TBC1D5: variants seen among roughly 807,000 people sequenced by gnomAD.
The protein encoded by TBC1D5 is TBC1 domain family member 5.
Under a neutral mutation model 100.3 loss-of-function variants are expected in TBC1D5, and 75 were observed. The observed-to-expected ratio is 0.75, with a 90% CI of 0.62 to 0.91. The LOEUF (loss-of-function observed/expected upper bound fraction) is 0.91, where lower values mean the gene tolerates loss of function less well. TBC1D5 is among the 40% of genes least tolerant of loss of function. The probability of loss-of-function intolerance (pLI) is 0.00; values close to 1 mark genes in which losing one functional copy is unlikely to be tolerated. For synonymous variants in TBC1D5, 323 were observed against 325.6 expected (o/e 0.99, Z 0.09); for missense variants, 910 against 942.4 (o/e 0.97, Z 0.45).
At chr3:17,428,492 G>A in exon 4 of TBC1D5, 1 of 1,509,430 alleles carries the variant, frequency 6.6e-7, no homozygotes, top group South Asian at 1.3e-5. Context: ...AGTAGAACTT[G>A]TTCTTCTTCC....
chr3:17,292,731 G>C (rs540374349), intron 14 of TBC1D5, among the ~76,000 whole-genome samples: 4 of 152,162 alleles, frequency 2.6e-5, no homozygotes, highest in Admixed American at 1.3e-4. Context: ...TGCCACTGCT[G>C]TCAGAGTCAG....
chr3:17,370,998 T>C (rs181784842), intron 13 of TBC1D5, among the ~76,000 whole-genome samples: 3 of 152,182 alleles, frequency 2.0e-5, no homozygotes, highest in African/African-American at 7.2e-5. Context: ...TAGCAGTGCA[T>C]AGATAATTCA....
intron 3 of TBC1D5, among the ~76,000 whole-genome samples, chr3:17,477,019 GAGA>G (rs957996029): frequency 6.6e-6 from 1 of 151,758 alleles, no homozygotes; most frequent in African/African-American, 2.4e-5. Flanking sequence ...ATTTTACATT[GAGA>G]AGGATTTTAG....
chr3:17,531,843 A>G (rs2096230889), intron 2 of TBC1D5, among the ~76,000 whole-genome samples: 1 of 152,250 alleles, frequency 6.6e-6, no homozygotes, highest in Non-Finnish European at 1.5e-5. Context: ...TTCAAGATGG[A>G]TTAAAGATTT....
chr3:17,302,623 A>G (rs41384544), intron 14 of TBC1D5, among the ~76,000 whole-genome samples: 2,811 of 152,270 alleles, frequency 0.018, 86 homozygotes, highest in African/African-American at 0.064. Context: ...TTTGACCCAG[A>G]GAAAGGCATA....
intron 4 of TBC1D5, among the ~76,000 whole-genome samples, chr3:17,417,405 T>C (rs1030218405): frequency 2.7e-5 from 4 of 146,884 alleles, no homozygotes; most frequent in African/African-American, 5.1e-5. Flanking sequence ...TGTGTTCTCA[T>C]TGTTCAATTC....
intron 2 of TBC1D5, among the ~76,000 whole-genome samples, chr3:17,615,344 T>TA (rs1433760340): frequency 6.6e-6 from 1 of 152,210 alleles, no homozygotes; most frequent in Non-Finnish European, 1.5e-5. Flanking sequence ...TCTAAAATTC[T>TA]ATTTTTTTTG....
intron 1 of TBC1D5, among the ~76,000 whole-genome samples, chr3:17,722,558 C>G (rs571516881): frequency 5.3e-5 from 8 of 152,290 alleles, no homozygotes; most frequent in African/African-American, 1.7e-4. Flanking sequence ...TTCAATTTTT[C>G]AAAAGCTCAA....
At chr3:17,403,536 T>C (rs1208097852) in intron 7 of TBC1D5, among the ~76,000 whole-genome samples, 1 of 151,776 alleles carries the variant, frequency 6.6e-6, no homozygotes, top group Non-Finnish European at 1.5e-5. Flanking sequence ...TCAAAAATAT[T>C]GGGAAAAAAT....
In TBC1D5 at chr3:17,170,999, C is replaced by T. The variant is rs184253118; in HGVS notation, c.1853-3171G>A. Reference sequence around the variant, plus strand: ...GAGTTTAGGGACATAGACTTATCATCCCAATACAGTGTCTATACAAGATCT... The same window carrying T: ...GAGTTTAGGGACATAGACTTATCATTCCAATACAGTGTCTATACAAGATCT... On this transcript the variant is annotated intron_variant, in intron 19 of 21. Coordinates refer to ENST00000253692, the Ensembl canonical transcript of TBC1D5. Among the ~76,000 whole-genome samples, 81 of 152,306 alleles carry T rather than the reference C, an allele frequency of 5.3e-4. 1 individual carries two copies. The East Asian group carries it at 0.014, about 27-fold the overall frequency.
intron 19 of TBC1D5, among the ~76,000 whole-genome samples, chr3:17,184,020 A>G (rs1362233200): frequency 3.3e-5 from 5 of 152,218 alleles, no homozygotes; most frequent in Admixed American, 2.6e-4. Flanking sequence ...TAAGTTACCA[A>G]TCTTAGACAC....
chr3:17,563,908 GA>G (rs2153481475), intron 2 of TBC1D5, among the ~76,000 whole-genome samples: 1 of 152,120 alleles, frequency 6.6e-6, no homozygotes, highest in South Asian at 2.1e-4. Flanking sequence ...TCAGCCTCCC[GA>G]GTAGCTGGGA....
chr3:17,493,938 A>G lies in TBC1D5; in HGVS notation c.97+14536T>C, dbSNP rs141632420. ...GAAGCCTATTTCTGTCAGTTCATCC[A>G]TCTCAGCCTCAGCCCAGTTCTGTGT... is the stretch of plus-strand genomic sequence containing the variant. On this transcript the variant is annotated intron_variant, in intron 3 of 21. Transcript: ENST00000253692. Among the ~76,000 whole-genome samples the G allele has an allele frequency of 1.0e-3, 157 of 152,240 alleles. 1 individual carries two copies. The highest frequency in any genetic ancestry group is 1.9e-3 in the Non-Finnish European group (128 of 68,016).
intron 14 of TBC1D5, among the ~76,000 whole-genome samples, chr3:17,301,175 AT>A (rs1241535282): frequency 3.3e-5 from 5 of 152,136 alleles, no homozygotes; most frequent in African/African-American, 4.8e-5. Context: ...AATAGAGACA[AT>A]TTTTTATAGT....
At chr3:17,572,444 C>G (rs2096633263) in intron 2 of TBC1D5, among the ~76,000 whole-genome samples, 1 of 151,988 alleles carries the variant, frequency 6.6e-6, no homozygotes, top group African/African-American at 2.4e-5. Context: ...ACCTCTCTCT[C>G]TCTCCCTTCT....
intron 18 of TBC1D5, among the ~76,000 whole-genome samples, chr3:17,199,691 T>C (rs1419682328): frequency 6.6e-6 from 1 of 152,144 alleles, no homozygotes; most frequent in Non-Finnish European, 1.5e-5. Flanking sequence ...AGGACTCAGG[T>C]AAAATGTTGC....
chr3:17,490,444 T>C (rs2095624629), intron 3 of TBC1D5, among the ~76,000 whole-genome samples: 1 of 152,212 alleles, frequency 6.6e-6, no homozygotes, highest in Non-Finnish European at 1.5e-5. Context: ...AGCTAGATTT[T>C]CTTCCAGAGT....
chr3:17,180,323 A>G (rs774905125), intron 19 of TBC1D5, among the ~76,000 whole-genome samples: 3 of 152,168 alleles, frequency 2.0e-5, no homozygotes, highest in Non-Finnish European at 4.4e-5. Flanking sequence ...TAACCTGTCA[A>G]TTTTATTATC....
rs1371093003 is a variant in TBC1D5, at chr3:17,258,720, GTGAT to G, written c.1246-133_1246-130del. 3 of 578,926 alleles carry G rather than the reference GTGAT, an allele frequency of 5.2e-6. No individual in the cohort carries two copies. In the African/African-American group the frequency reaches 5.8e-5, roughly 11 times the overall value. 35.9% of individuals were successfully genotyped at this position (578,926 alleles called of 1,614,324 possible). A position where few individuals can be genotyped will look rare whatever the true frequency, so the allele number is the denominator to read the frequency against. On this transcript the variant is annotated intron_variant, in intron 15 of 21. Coordinates refer to ENST00000253692, the Ensembl canonical transcript of TBC1D5. ...TATAATATAAAGTTTAATAATTAGTGTGATTGGGTTTTGCTTTTATTAAATTATT... is the reference window on the plus strand; with the variant it reads ...TATAATATAAAGTTTAATAATTAGTGTGGGTTTTGCTTTTATTAAATTATT...
Sources: gnomAD v4.1 joint callset for allele counts (sites outside exome capture counted in the v4.1 genomes callset) on GRCh38, gnomAD v4.1.1 for gene constraint, MANE v1.5 for transcripts, NCBI Gene and HGNC (gene_info 2026-07-23, HGNC 2026-07-21) for gene names.